ASTN2: variants seen among roughly 807,000 people sequenced by gnomAD.
The protein encoded by ASTN2 is astrotactin-2.
In ASTN2, 54 loss-of-function variants were observed where a neutral mutation model predicts 139.8. The observed-to-expected ratio is 0.39, with a 90% confidence interval of 0.31 to 0.48. The LOEUF (loss-of-function observed/expected upper bound fraction) is 0.48, where lower values mean the gene tolerates loss of function less well. ASTN2 is among the 20% of genes least tolerant of loss of function. The pLI, the probability that ASTN2 is intolerant of heterozygous loss-of-function variation, is 0.95. For missense variants in ASTN2, 1,565 were observed against 1,725.1 expected (o/e 0.91, Z 1.64); for synonymous variants, 756 against 719.5 (o/e 1.05, Z -0.81).
chr9:116,595,500 A>C (rs1190211939), intron 19 of ASTN2, among the ~76,000 whole-genome samples: 1 of 151,882 alleles, frequency 6.6e-6, no homozygotes, highest in Non-Finnish European at 1.5e-5. Flanking sequence ...CTAATTTTTG[A>C]ATTTTCAGTA....
At chr9:116,451,329 T>C (rs973980154) in intron 20 of ASTN2, among the ~76,000 whole-genome samples, 1 of 152,244 alleles carries the variant, frequency 6.6e-6, no homozygotes, top group Non-Finnish European at 1.5e-5. Context: ...TAAAGTGTGT[T>C]GAGTGTATCT....
intron 13 of ASTN2, among the ~76,000 whole-genome samples, chr9:116,739,673 C>T (rs985703894): frequency 6.6e-6 from 1 of 152,188 alleles, no homozygotes; most frequent in Admixed American, 6.5e-5. Context: ...TCATGGAAGA[C>T]CTTGTTGGAC....
chr9:116,851,460 A>C (rs1478014571), intron 11 of ASTN2, among the ~76,000 whole-genome samples: 3 of 149,354 alleles, frequency 2.0e-5, no homozygotes, highest in Non-Finnish European at 4.4e-5. Flanking sequence ...TTGCACAGTA[A>C]AATTGCTAAA....
rs752112302 is a variant in ASTN2 at position 116,425,821 on chromosome 9, C to T, written c.*30G>A. ...TACTGCTCCCCCTCCCATGGAGAGT[C>T]TCTGTGCTCACGGAGGGCAATACCC... On this transcript the variant is annotated 3_prime_UTR_variant, in exon 23 of 23. Transcript: ENST00000313400. 3.7e-6 allele frequency: 6 copies of T among 1,612,776 alleles called. No individual in the cohort carries two copies. In the African/African-American group the frequency reaches 4.0e-5, roughly 11 times the overall value.
intron 17 of ASTN2, among the ~76,000 whole-genome samples, chr9:116,650,846 T>C (rs1564182331): frequency 6.6e-6 from 1 of 151,938 alleles, no homozygotes; most frequent in Non-Finnish European, 1.5e-5. Flanking sequence ...CTCCCTGTTC[T>C]TTCCCCTTCC....
intron 1 of ASTN2, among the ~76,000 whole-genome samples, chr9:117,324,750 G>A (rs183362061): frequency 6.6e-6 from 1 of 152,178 alleles, no homozygotes; most frequent in Non-Finnish European, 1.5e-5. Flanking sequence ...AGGCTAGAGA[G>A]CTGGGCAGAG....
At chr9:117,299,166 G>A (rs979599378) in intron 1 of ASTN2, among the ~76,000 whole-genome samples, 4 of 152,248 alleles carry the variant, frequency 2.6e-5, no homozygotes, top group East Asian at 1.9e-4. Context: ...ACTGGACCAC[G>A]AAGAATGGCA....
intron 19 of ASTN2, chr9:116,547,538 G>A (rs1852151478): frequency 6.6e-6 from 1 of 152,176 alleles, no homozygotes; most frequent in Non-Finnish European, 1.5e-5. Context: ...TGCCTTCAGG[G>A]CTATGTACCT....
intron 17 of ASTN2, among the ~76,000 whole-genome samples, chr9:116,639,992 C>T (rs989866291): frequency 1.3e-5 from 2 of 151,810 alleles, no homozygotes; most frequent in Non-Finnish European, 2.9e-5. Flanking sequence ...TATCAGCTGT[C>T]GGTATAAGGC....
intron 11 of ASTN2, among the ~76,000 whole-genome samples, chr9:116,830,367 C>T (rs1831770233): frequency 2.0e-5 from 3 of 151,978 alleles, no homozygotes; most frequent in Admixed American, 1.3e-4. Context: ...AAAAGGAACA[C>T]TTATGGAATG....
chr9:117,372,027 CCTAA>C (rs2130914122), intron 1 of ASTN2, among the ~76,000 whole-genome samples: 1 of 152,192 alleles, frequency 6.6e-6, no homozygotes, highest in African/African-American at 2.4e-5. Flanking sequence ...GTAGACTGGT[CCTAA>C]CTGAGTAGGG....
intron 13 of ASTN2, among the ~76,000 whole-genome samples, chr9:116,791,043 G>T (rs1044412482): frequency 3.5e-5 from 5 of 142,072 alleles, no homozygotes; most frequent in Admixed American, 1.4e-4. Context: ...AAGAAAGAAA[G>T]AAAAGAAAAG....
At chr9:116,664,628 T>A (rs1159835671) in intron 16 of ASTN2, among the ~76,000 whole-genome samples, 1 of 151,434 alleles carries the variant, frequency 6.6e-6, no homozygotes, top group Non-Finnish European at 1.5e-5. Context: ...ATACTTTTTT[T>A]TAAAGCACAA....
At chr9:117,205,678 G>A (rs1444341568) in intron 3 of ASTN2, among the ~76,000 whole-genome samples, 1 of 152,158 alleles carries the variant, frequency 6.6e-6, no homozygotes, top group African/African-American at 2.4e-5. Flanking sequence ...AAAGAAGAAT[G>A]CAGAACCCAG....
intron 1 of ASTN2, among the ~76,000 whole-genome samples, chr9:117,349,707 T>A (rs1829330529): frequency 6.6e-6 from 1 of 152,144 alleles, no homozygotes; most frequent in Non-Finnish European, 1.5e-5. Context: ...AAAATAATTG[T>A]CTTGCAGTGG....
intron 12 of ASTN2, among the ~76,000 whole-genome samples, chr9:116,806,373 T>C (rs961462700): frequency 2.6e-5 from 4 of 152,186 alleles, no homozygotes; most frequent in Non-Finnish European, 5.9e-5. Flanking sequence ...GGTGGCCTCA[T>C]CTATGGACAA....
chr9:117,303,150 A>G (rs894919387), intron 1 of ASTN2, among the ~76,000 whole-genome samples: 1 of 152,052 alleles, frequency 6.6e-6, no homozygotes, highest in African/African-American at 2.4e-5. Context: ...CCCATCCCTA[A>G]TTCTCATGAC....
At chr9:117,405,515 G>T (rs906354696) in intron 1 of ASTN2, among the ~76,000 whole-genome samples, 5 of 152,108 alleles carry the variant, frequency 3.3e-5, no homozygotes, top group African/African-American at 9.7e-5. Context: ...GGATGATAAA[G>T]TCCAGTTACA....
At chr9:117,120,018 G>GTGTGTGTGTGTGTGTATATA (rs1306397698) in intron 4 of ASTN2, among the ~76,000 whole-genome samples, 6 of 45,996 alleles carry the variant, frequency 1.3e-4, no homozygotes, top group African/African-American at 3.3e-4. Flanking sequence ...GTGTGTGTGT[G>GTGTGTGTGTGTGTGTATATA]TATATATATA....
Sources: allele counts gnomAD v4.1 joint callset (sites outside exome capture counted in the v4.1 genomes callset), GRCh38; gene constraint gnomAD v4.1.1; transcripts MANE v1.5; gene names NCBI Gene and HGNC (gene_info 2026-07-23, HGNC 2026-07-21).